IGF1R: variants seen among roughly 807,000 people sequenced by gnomAD.
IGF1R encodes the protein insulin like growth factor 1 receptor.
IGF1R carries 44 observed loss-of-function variants against 144.6 expected under a neutral mutation model. The observed-to-expected ratio is 0.30, with a 90% confidence interval of 0.24 to 0.39. The LOEUF is 0.39. Among genes scored for constraint, IGF1R ranks in the 10% least tolerant of loss-of-function variants. IGF1R has a pLI of 1.00. For synonymous variants in IGF1R, 795 were observed against 722.8 expected, an observed-to-expected ratio of 1.10 and a Z score of -1.60; for missense variants, 1,355 against 1,833.7, an observed-to-expected ratio of 0.74 and a Z score of 4.77.
At chr15:98,675,764 G>A (rs1320901249) in intron 1 of IGF1R, among the ~76,000 whole-genome samples, 1 of 147,394 alleles carries the variant, frequency 6.8e-6, no homozygotes, top group Non-Finnish European at 1.5e-5. Flanking sequence ...CCCACATTGT[G>A]CTGTTTTTTT....
chr15:98,864,651 G>A (rs1056141889), intron 2 of IGF1R, among the ~76,000 whole-genome samples: 26 of 152,212 alleles, frequency 1.7e-4, no homozygotes, highest in Admixed American at 3.3e-4. Context: ...CTCCCAAAGG[G>A]CTGTGATTAC....
At chr15:98,911,541 C>T in intron 7 of IGF1R, 100 bp downstream of exon 7, 1 of 1,505,052 alleles carries the variant, frequency 6.6e-7, no homozygotes, top group Non-Finnish European at 9.2e-7. Context: ...TACAGGGGGT[C>T]AGCAGAGTCC....
At chr15:98,846,084 A>T (rs59185809) in intron 2 of IGF1R, among the ~76,000 whole-genome samples, 7,292 of 152,296 alleles carry the variant, frequency 0.048, 271 homozygotes, top group East Asian at 0.14. Flanking sequence ...AGTCTCTGAC[A>T]TCAGCTAAAG....
intron 2 of IGF1R, among the ~76,000 whole-genome samples, chr15:98,768,801 G>A (rs563305133): frequency 3.4e-5 from 5 of 145,532 alleles, no homozygotes; most frequent in East Asian, 4.1e-4. Context: ...GGTGCCGGGC[G>A]CCTGTAGTCC....
chr15:98,884,215 C>A (rs1400680261), intron 2 of IGF1R, among the ~76,000 whole-genome samples: 1 of 152,146 alleles, frequency 6.6e-6, no homozygotes, highest in Non-Finnish European at 1.5e-5. Flanking sequence ...CATCCTCAGA[C>A]CTCCCCCACA....
At position 98,680,223 on chromosome 15, in the gene IGF1R, G is replaced by C. The variant is rs930182908; in HGVS notation, c.95-27339G>C. Reference sequence around the variant, plus strand: ...GACTCACCCGAGGGAGCAACTTCCAGTCCTGCAAGCTTTATTCGTGGTGGT... The same window carrying C: ...GACTCACCCGAGGGAGCAACTTCCACTCCTGCAAGCTTTATTCGTGGTGGT... On this transcript the variant is annotated intron_variant, in intron 1 of 20. Coordinates refer to ENST00000650285, the MANE Select transcript of IGF1R (RefSeq NM_000875.5). 8.6e-5 allele frequency among the ~76,000 whole-genome samples: 13 copies of C among 151,688 alleles called. 1 individual carries two copies. The highest frequency in any genetic ancestry group is 8.5e-4 in the Admixed American group (13 of 15,236).
chr15:98,665,851 G>A (rs2052723879), intron 1 of IGF1R, among the ~76,000 whole-genome samples: 1 of 152,196 alleles, frequency 6.6e-6, no homozygotes, highest in Non-Finnish European at 1.5e-5. Context: ...TCCCTGGATC[G>A]CACAAGGTCT....
At chr15:98,881,115 T>C (rs1439828823) in intron 2 of IGF1R, among the ~76,000 whole-genome samples, 1 of 152,218 alleles carries the variant, frequency 6.6e-6, no homozygotes, top group African/African-American at 2.4e-5. Flanking sequence ...GTACGTGTTA[T>C]CTCCTTAGCA....
At chr15:98,788,092 G>GTA (rs1480578075) in intron 2 of IGF1R, among the ~76,000 whole-genome samples, 8 of 151,032 alleles carry the variant, frequency 5.3e-5, no homozygotes, top group Non-Finnish European at 1.2e-4. Flanking sequence ...GTGTGTGTGT[G>GTA]TAAATAGTGA....
At chr15:98,843,218 T>C (rs1448962625) in intron 2 of IGF1R, among the ~76,000 whole-genome samples, 1 of 152,212 alleles carries the variant, frequency 6.6e-6, no homozygotes, top group East Asian at 1.9e-4. Context: ...TTCACTCTTT[T>C]TGGCATCTTT....
In IGF1R at chr15:98,690,091, C is replaced by T. The variant is rs577345485; in HGVS notation, c.95-17471C>T. The stretch of plus-strand genomic sequence containing the variant: ...GCATGGTGGCTCATGCCTATAATTC[C>T]AGCACTTTGGGAGACTAAGACAGGA... On this transcript the variant is annotated intron_variant, in intron 1 of 20. Coordinates refer to ENST00000650285, the MANE Select transcript of IGF1R (RefSeq NM_000875.5). Among the ~76,000 whole-genome samples, 77 of 152,238 alleles carry T rather than the reference C, an allele frequency of 5.1e-4. No homozygotes were observed. The South Asian group carries it at 8.1e-3, about 16-fold the overall frequency.
At chr15:98,914,908 C>A (rs1012062186) in intron 8 of IGF1R, among the ~76,000 whole-genome samples, 1 of 152,300 alleles carries the variant, frequency 6.6e-6, no homozygotes, top group Admixed American at 6.5e-5. Flanking sequence ...GGCTGAGCAT[C>A]AAGTGGTTGT....
intron 2 of IGF1R, among the ~76,000 whole-genome samples, chr15:98,796,620 C>T (rs1389629492): frequency 6.6e-6 from 1 of 152,174 alleles, no homozygotes; most frequent in Non-Finnish European, 1.5e-5. Flanking sequence ...CTGATGGGGT[C>T]TCCTGACTAG....
intron 2 of IGF1R, chr15:98,734,669 C>G (rs1020806091): frequency 6.6e-6 from 1 of 152,220 alleles, no homozygotes; most frequent in African/African-American, 2.4e-5. Flanking sequence ...TGAACATTAA[C>G]TGCCCTTTGT....
intron 2 of IGF1R, among the ~76,000 whole-genome samples, chr15:98,806,488 T>TAA (rs1205165223): frequency 1.1e-4 from 16 of 144,264 alleles, no homozygotes; most frequent in African/African-American, 4.0e-4. Flanking sequence ...ATTTCTTGAT[T>TAA]AAAAAAAAAA....
chr15:98,895,000 G>A (rs1048706694), intron 3 of IGF1R, among the ~76,000 whole-genome samples: 2 of 147,192 alleles, frequency 1.4e-5, no homozygotes, highest in African/African-American at 2.5e-5. Context: ...TAGCCTGGGC[G>A]ACAGAGTGAG....
At chr15:98,728,398 G>A (rs768393012) in intron 2 of IGF1R, among the ~76,000 whole-genome samples, 1 of 152,164 alleles carries the variant, frequency 6.6e-6, no homozygotes, top group Non-Finnish European at 1.5e-5. Flanking sequence ...TCAAGACCCC[G>A]GTTAAGGGGA....
intron 2 of IGF1R, among the ~76,000 whole-genome samples, chr15:98,792,068 C>A (rs1335425092): frequency 6.6e-6 from 1 of 152,136 alleles, no homozygotes; most frequent in Non-Finnish European, 1.5e-5. Flanking sequence ...TTTTTCCTTC[C>A]CTATTACCCT....
intron 1 of IGF1R, among the ~76,000 whole-genome samples, chr15:98,675,576 A>T (rs748488211): frequency 6.6e-6 from 1 of 152,218 alleles, no homozygotes; most frequent in African/African-American, 2.4e-5. Flanking sequence ...TTTAATATAG[A>T]ATAGCAGTCT....
Sources: gnomAD v4.1 joint callset for allele counts (sites outside exome capture counted in the v4.1 genomes callset) on GRCh38, gnomAD v4.1.1 for gene constraint, MANE v1.5 for transcripts, NCBI Gene and HGNC (gene_info 2026-07-23, HGNC 2026-07-21) for gene names.